KCNQ3: variants seen among roughly 807,000 people sequenced by gnomAD.
KCNQ3 encodes the protein potassium voltage-gated channel subfamily KQT member 3.
In KCNQ3, 30 loss-of-function variants were observed where a neutral mutation model predicts 92.5. That is an observed-to-expected ratio of 0.32 (90% CI 0.24 to 0.44). The LOEUF (loss-of-function observed/expected upper bound fraction) is 0.44, where lower values mean the gene tolerates loss of function less well. Ranked by LOEUF, KCNQ3 falls within the 20% of genes least tolerant of loss-of-function variation. KCNQ3 has a pLI of 1.00. For synonymous variants in KCNQ3, 450 were observed against 468.8 expected (o/e 0.96, Z 0.52); for missense variants, 913 against 1,140.3 (o/e 0.80, Z 2.87).
chr8:132,168,906 C>CT (rs1445634016), intron 8 of KCNQ3, among the ~76,000 whole-genome samples: 12 of 151,978 alleles, frequency 7.9e-5, no homozygotes, highest in African/African-American at 2.9e-4. Context: ...CCAGCCCCAA[C>CT]TATGAGGCTA....
intron 1 of KCNQ3, among the ~76,000 whole-genome samples, chr8:132,326,474 T>C (rs1818055504): frequency 6.6e-6 from 1 of 152,166 alleles, no homozygotes; most frequent in South Asian, 2.1e-4. Context: ...CATCCACAGC[T>C]ACAGTTTGAA....
chr8:132,152,719 G>A (rs1816375), intron 9 of KCNQ3, among the ~76,000 whole-genome samples: 79,554 of 150,408 alleles, frequency 0.53, 21,142 homozygotes, highest in African/African-American at 0.59. Flanking sequence ...TTTCTAACAG[G>A]CCCAGGAGTT....
At chr8:132,338,565 T>C (rs763839658) in intron 1 of KCNQ3, among the ~76,000 whole-genome samples, 135 of 152,344 alleles carry the variant, frequency 8.9e-4, no homozygotes, top group African/African-American at 3.1e-3. Context: ...GTTTTGATCA[T>C]GGCTCTTTGG....
At chr8:132,304,992 G>T (rs1415127572) in intron 1 of KCNQ3, among the ~76,000 whole-genome samples, 1 of 152,118 alleles carries the variant, frequency 6.6e-6, no homozygotes, top group Non-Finnish European at 1.5e-5. Context: ...GCCAATAAGT[G>T]TGCTGGTTCT....
intron 1 of KCNQ3, among the ~76,000 whole-genome samples, chr8:132,459,063 G>A (rs1822004844): frequency 6.6e-6 from 1 of 152,120 alleles, no homozygotes; most frequent in Non-Finnish European, 1.5e-5. Context: ...AGATGACCTT[G>A]ATAGTTTTGA....
At chr8:132,345,358 G>A (rs1385583718) in intron 1 of KCNQ3, among the ~76,000 whole-genome samples, 2 of 152,174 alleles carry the variant, frequency 1.3e-5, no homozygotes, top group African/African-American at 4.8e-5. Flanking sequence ...ATAAAACTGA[G>A]GCAGAGTGAT....
At chr8:132,156,108 G>A (rs1825789583) in intron 9 of KCNQ3, among the ~76,000 whole-genome samples, 1 of 151,894 alleles carries the variant, frequency 6.6e-6, no homozygotes, top group African/African-American at 2.4e-5. Context: ...TTTTCTTCCG[G>A]TCTCATAAGA....
intron 1 of KCNQ3, among the ~76,000 whole-genome samples, chr8:132,276,353 G>T (rs1025638175): frequency 6.6e-6 from 1 of 152,144 alleles, no homozygotes; most frequent in African/African-American, 2.4e-5. Flanking sequence ...CAGGAGAATT[G>T]CAGAAAGAGG....
At chr8:132,392,995 T>G (rs1036565408) in intron 1 of KCNQ3, among the ~76,000 whole-genome samples, 3 of 152,216 alleles carry the variant, frequency 2.0e-5, no homozygotes, top group Admixed American at 6.5e-5. Context: ...ATGCTAACAA[T>G]TTTCCAGTTT....
rs995487021 is a variant in KCNQ3, at chr8:132,451,679, C to T, written c.386+28468G>A. On this transcript the variant is annotated intron_variant, in intron 1 of 14. Transcript: ENST00000388996. Reference sequence around the variant, plus strand: ...GGCGTCTATTCACACAGGACTCCAACGCTGGAGCAGCAGAGGATGAGTTTT... The same window carrying T: ...GGCGTCTATTCACACAGGACTCCAATGCTGGAGCAGCAGAGGATGAGTTTT... 3.9e-5 allele frequency among the ~76,000 whole-genome samples: 6 copies of T among 152,338 alleles called. No individual in the cohort carries two copies. In the East Asian group the frequency reaches 5.8e-4, roughly 15 times the overall value.
chr8:132,290,506 G>T (rs1177623601), intron 1 of KCNQ3, among the ~76,000 whole-genome samples: 1 of 152,168 alleles, frequency 6.6e-6, no homozygotes, highest in African/African-American at 2.4e-5. Context: ...TCAAATGAAT[G>T]AAGCAAGAAT....
intron 5 of KCNQ3, 36 bp downstream of exon 5, chr8:132,175,417 A>G: frequency 6.2e-7 from 1 of 1,611,834 alleles, no homozygotes; most frequent in East Asian, 2.2e-5. Flanking sequence ...CTTGACAGTC[A>G]ATCTCACAGA....
At chr8:132,175,992 G>A (rs149771108) in intron 4 of KCNQ3, among the ~76,000 whole-genome samples, 7 of 152,204 alleles carry the variant, frequency 4.6e-5, no homozygotes, top group East Asian at 1.9e-4. Flanking sequence ...GAGAAAGCTC[G>A]GTACAACCAG....
intron 1 of KCNQ3, among the ~76,000 whole-genome samples, chr8:132,244,649 C>A (rs1366846516): frequency 1.3e-5 from 2 of 152,156 alleles, no homozygotes; most frequent in East Asian, 3.9e-4. Context: ...TGGGAAAATG[C>A]AGACCCAGAC....
intron 1 of KCNQ3, among the ~76,000 whole-genome samples, chr8:132,262,684 C>T (rs1214585758): frequency 6.8e-6 from 1 of 148,048 alleles, no homozygotes; most frequent in East Asian, 2.0e-4. Context: ...GAGACATGAG[C>T]TGAGGAGGGT....
intron 1 of KCNQ3, among the ~76,000 whole-genome samples, chr8:132,236,411 G>A (rs368632458): frequency 5.9e-5 from 9 of 152,262 alleles, no homozygotes; most frequent in African/African-American, 2.2e-4. Flanking sequence ...TCTTTTGTAA[G>A]TTAAAACAAA....
intron 9 of KCNQ3, among the ~76,000 whole-genome samples, chr8:132,158,686 A>G (rs539157844): frequency 2.0e-5 from 3 of 152,334 alleles, no homozygotes; most frequent in East Asian, 3.9e-4. Flanking sequence ...TCACTTATCT[A>G]TCTGACCTCA....
chr8:132,327,555 T>C (rs1818095505), intron 1 of KCNQ3, among the ~76,000 whole-genome samples: 1 of 152,078 alleles, frequency 6.6e-6, no homozygotes, highest in African/African-American at 2.4e-5. Context: ...GCTGTGCCCA[T>C]CTGCATAGGG....
chr8:132,161,815 C>T (rs1246565661), intron 9 of KCNQ3, among the ~76,000 whole-genome samples: 1 of 152,190 alleles, frequency 6.6e-6, no homozygotes, highest in Non-Finnish European at 1.5e-5. Flanking sequence ...CACTTGGTTC[C>T]CCGCCTCCTG....
Sources: gnomAD v4.1 joint callset for allele counts (sites outside exome capture counted in the v4.1 genomes callset) on GRCh38, gnomAD v4.1.1 for gene constraint, MANE v1.5 for transcripts, NCBI Gene and HGNC (gene_info 2026-07-23, HGNC 2026-07-21) for gene names.